Variants in KCND3 observed in about 807,000 individuals in gnomAD.
KCND3 encodes A-type voltage-gated potassium channel KCND3.
Under a neutral mutation model 51.1 loss-of-function variants are expected in KCND3, and 9 were observed. The observed-to-expected ratio is 0.18, with a 90% CI of 0.11 to 0.31. The LOEUF is 0.31. Among genes scored for constraint, KCND3 ranks in the 10% least tolerant of loss-of-function variants. The pLI, the probability that KCND3 is intolerant of heterozygous loss-of-function variation, is 1.00. For missense variants in KCND3, 526 were observed against 903.8 expected, an observed-to-expected ratio of 0.58 and a Z score of 5.36; for synonymous variants, 349 against 368.0, an observed-to-expected ratio of 0.95 and a Z score of 0.59.
chr1:111,847,489 CA>C (rs1667608167), intron 2 of KCND3, among the ~76,000 whole-genome samples: 1 of 152,024 alleles, frequency 6.6e-6, no homozygotes, highest in Non-Finnish European at 1.5e-5. Context: ...CAGGGCAGCC[CA>C]GAATGCCATG....
intron 2 of KCND3, among the ~76,000 whole-genome samples, chr1:111,790,554 T>A (rs1301587917): frequency 6.6e-6 from 1 of 152,240 alleles, no homozygotes; most frequent in Admixed American, 6.5e-5. Flanking sequence ...CTGGATTTAT[T>A]TTTTAAAAGC....
At chr1:111,910,863 G>A (rs1039623238) in intron 2 of KCND3, 11 of 152,148 alleles carry the variant, frequency 7.2e-5, no homozygotes, top group African/African-American at 2.7e-4. Context: ...AGAAAGAAAG[G>A]GAATGAGAGA....
intron 2 of KCND3, among the ~76,000 whole-genome samples, chr1:111,872,732 T>A (rs984594278): frequency 3.3e-5 from 5 of 152,182 alleles, no homozygotes; most frequent in African/African-American, 9.7e-5. Flanking sequence ...CCGGGATTCC[T>A]GAAAAAGAGG....
At position 111,870,469 on chromosome 1, in the gene KCND3, G is replaced by A. The variant is rs1668781534; in HGVS notation, c.1107-83363C>T. Among the ~76,000 whole-genome samples the A allele has an allele frequency of 2.0e-5, 3 of 152,108 alleles. No homozygotes were observed. The South Asian group carries it at 6.2e-4, about 32-fold the overall frequency. On this transcript the variant is annotated intron_variant, in intron 2 of 7. Coordinates refer to ENST00000302127, the MANE Select transcript of KCND3 (RefSeq NM_001378969.1). ...ACTTTGACACTGAAGGAAATTACTG[G>A]GAATAACAAAGGCTTATGGCTTCAA...
At chr1:111,893,396 G>A (rs1410534296) in intron 2 of KCND3, among the ~76,000 whole-genome samples, 1 of 152,186 alleles carries the variant, frequency 6.6e-6, no homozygotes, top group Non-Finnish European at 1.5e-5. Context: ...GAGGTGTTCA[G>A]GGAGTGCAGA....
At chr1:111,924,565 A>G (rs1468734843) in intron 2 of KCND3, among the ~76,000 whole-genome samples, 2 of 152,214 alleles carry the variant, frequency 1.3e-5, no homozygotes, top group African/African-American at 4.8e-5. Context: ...GAGCCATCCC[A>G]GCACAATGGC....
chr1:111,920,578 T>C (rs1372701685), intron 2 of KCND3, among the ~76,000 whole-genome samples: 1 of 152,190 alleles, frequency 6.6e-6, no homozygotes, highest in Admixed American at 6.5e-5. Flanking sequence ...CCAGGCCAAA[T>C]GTGAGCGAAG....
intron 2 of KCND3, among the ~76,000 whole-genome samples, chr1:111,827,209 T>C (rs945905666): frequency 2.6e-5 from 4 of 152,234 alleles, no homozygotes; most frequent in African/African-American, 4.8e-5. Flanking sequence ...GCATATGTAG[T>C]GTATGTTGCT....
At chr1:111,877,943 C>CTCATCT (rs1669124524) in intron 2 of KCND3, among the ~76,000 whole-genome samples, 2 of 152,186 alleles carry the variant, frequency 1.3e-5, no homozygotes, top group Non-Finnish European at 2.9e-5. Context: ...CTACTATGTG[C>CTCATCT]AATTCATATA....
intron 2 of KCND3, among the ~76,000 whole-genome samples, chr1:111,876,759 G>A (rs920024951): frequency 2.0e-5 from 3 of 152,200 alleles, no homozygotes; most frequent in East Asian, 1.9e-4. Flanking sequence ...GCAAGAAGAG[G>A]GGGGAAGAGG....
intron 2 of KCND3, among the ~76,000 whole-genome samples, chr1:111,793,720 T>C (rs1332695934): frequency 1.3e-5 from 2 of 152,060 alleles, no homozygotes; most frequent in African/African-American, 4.8e-5. Flanking sequence ...AAGACTGAAG[T>C]AGGGGAGCTA....
At chr1:111,817,470 T>C (rs564916523) in intron 2 of KCND3, among the ~76,000 whole-genome samples, 1 of 152,326 alleles carries the variant, frequency 6.6e-6, no homozygotes, top group South Asian at 2.1e-4. Flanking sequence ...TTGTTTATTA[T>C]AGCACAGACC....
intron 2 of KCND3, among the ~76,000 whole-genome samples, chr1:111,902,498 T>C (rs1360266152): frequency 6.6e-6 from 1 of 152,186 alleles, no homozygotes; most frequent in Non-Finnish European, 1.5e-5. Flanking sequence ...CACACTCCTA[T>C]GTGGAGCCAA....
intron 2 of KCND3, among the ~76,000 whole-genome samples, chr1:111,828,565 C>G (rs1666683040): frequency 6.6e-6 from 1 of 152,152 alleles, no homozygotes. Context: ...GCATTTCACT[C>G]AAGAAGGCTC....
chr1:111,776,895 G>A (rs935412719), intron 7 of KCND3, 131 bp downstream of exon 7: 2 of 1,514,962 alleles, frequency 1.3e-6, no homozygotes, highest in African/African-American at 2.8e-5. Flanking sequence ...AAGGAGGAAG[G>A]TAGAGGGGCT....
At chr1:111,788,100 C>G (rs1236104423) in intron 2 of KCND3, among the ~76,000 whole-genome samples, 1 of 152,228 alleles carries the variant, frequency 6.6e-6, no homozygotes, top group Admixed American at 6.5e-5. Context: ...CCTCTGGAAC[C>G]AGGTTGGCCT....
intron 7 of KCND3, 35 bp downstream of exon 7, chr1:111,776,991 G>A (rs373808053): frequency 1.2e-5 from 20 of 1,612,232 alleles, no homozygotes; most frequent in Admixed American, 1.7e-5. Flanking sequence ...GGGATGATTC[G>A]AGCCTTTGCG....
intron 3 of KCND3, among the ~76,000 whole-genome samples, chr1:111,785,221 T>C (rs919011346): frequency 1.3e-5 from 2 of 152,214 alleles, no homozygotes; most frequent in Non-Finnish European, 2.9e-5. Context: ...GTGTCAGCTC[T>C]AGCCCCTTGG....
chr1:111,877,866 A>G (rs1040564692), intron 2 of KCND3, among the ~76,000 whole-genome samples: 2 of 152,232 alleles, frequency 1.3e-5, no homozygotes, highest in African/African-American at 4.8e-5. Flanking sequence ...AAACCAAATC[A>G]TCACATCTCA....
Sources: gnomAD v4.1 joint callset for allele counts (sites outside exome capture counted in the v4.1 genomes callset) on GRCh38, gnomAD v4.1.1 for gene constraint, MANE v1.5 for transcripts, NCBI Gene and HGNC (gene_info 2026-07-23, HGNC 2026-07-21) for gene names.